Variants in FAM222B observed in about 807,000 individuals in gnomAD.
FAM222B encodes family with sequence similarity 222 member B.
Under a neutral mutation model 38.0 loss-of-function variants are expected in FAM222B, and 12 were observed. That is an observed-to-expected ratio of 0.32 (90% CI 0.20 to 0.51). The LOEUF (loss-of-function observed/expected upper bound fraction) is 0.51. Ranked by LOEUF, FAM222B falls within the 20% of genes least tolerant of loss-of-function variation. The pLI, the probability that FAM222B is intolerant of heterozygous loss-of-function variation, is 0.97. For synonymous variants in FAM222B, 329 were observed against 317.2 expected (o/e 1.04, Z -0.40); for missense variants, 716 against 754.2 (o/e 0.95, Z 0.59).
At chr17:28,805,658 A>AG (rs2037459312) in intron 1 of FAM222B, among the ~76,000 whole-genome samples, 1 of 152,174 alleles carries the variant, frequency 6.6e-6, no homozygotes, top group Non-Finnish European at 1.5e-5. Flanking sequence ...CTCAAAAAAA[A>AG]AAAGAAAGAA....
intron 1 of FAM222B, among the ~76,000 whole-genome samples, chr17:28,823,096 G>GT (rs1314170333): frequency 6.6e-6 from 1 of 150,732 alleles, no homozygotes; most frequent in Non-Finnish European, 1.5e-5. Flanking sequence ...ATACAAACAG[G>GT]TAAGTACTTA....
At chr17:28,851,014 G>A (rs569417000) in intron 1 of FAM222B, among the ~76,000 whole-genome samples, 3 of 152,076 alleles carry the variant, frequency 2.0e-5, no homozygotes, top group African/African-American at 7.2e-5. Context: ...ACCTACTCAG[G>A]AGGCTGAGGC....
upstream of FAM222B, among the ~76,000 whole-genome samples, chr17:28,844,209 TA>T (rs2039123040): frequency 6.6e-6 from 1 of 152,118 alleles, no homozygotes; most frequent in Admixed American, 6.6e-5. Context: ...GGTACAGGAC[TA>T]AACTCTCTCC....
intron 1 of FAM222B, among the ~76,000 whole-genome samples, chr17:28,792,710 G>C (rs1272759475): frequency 6.6e-6 from 1 of 151,476 alleles, no homozygotes; most frequent in Non-Finnish European, 1.5e-5. Context: ...GAACCCAGGA[G>C]GTGGAAGTTG....
In FAM222B at chr17:28,780,733, T is replaced by C. The variant is rs967541516; in HGVS notation, c.-40-14026A>G. Among the ~76,000 whole-genome samples, 6 of 151,876 alleles carry C rather than the reference T, an allele frequency of 4.0e-5. No homozygotes were observed. In the South Asian group the frequency reaches 6.2e-4, roughly 16 times the overall value. On this transcript the variant is annotated intron_variant, in intron 1 of 2. Transcript: ENST00000581407. ...CCCATCTCTACTAAATATACACAAA[T>C]TAGGTGGTCGTGGTGGCAGGCACCT...
At chr17:28,793,482 G>C (rs147039118) in intron 1 of FAM222B, among the ~76,000 whole-genome samples, 91 of 152,232 alleles carry the variant, frequency 6.0e-4, no homozygotes, top group Non-Finnish European at 9.6e-4. Flanking sequence ...ACCAACAGCA[G>C]CTGGCCAGCA....
intron 1 of FAM222B, among the ~76,000 whole-genome samples, chr17:28,829,244 C>T (rs1490864593): frequency 7.0e-6 from 1 of 142,066 alleles, no homozygotes; most frequent in Non-Finnish European, 1.5e-5. Flanking sequence ...GACGTGGTTT[C>T]ACTCTTGTTG....
intron 1 of FAM222B, among the ~76,000 whole-genome samples, chr17:28,853,965 A>T (rs1224015935): frequency 1.6e-5 from 2 of 122,662 alleles, no homozygotes. Flanking sequence ...TTTTTTTGAG[A>T]TGGAGTCTCG....
chr17:28,852,692 C>A (rs2039191110), intron 1 of FAM222B, among the ~76,000 whole-genome samples: 1 of 152,074 alleles, frequency 6.6e-6, no homozygotes, highest in African/African-American at 2.4e-5. Flanking sequence ...CCCCACAGCC[C>A]TCTCCTGCTC....
intron 1 of FAM222B, among the ~76,000 whole-genome samples, chr17:28,778,697 G>GTATATATATATATATATATATATATATA (rs1204895077): frequency 4.4e-5 from 2 of 45,340 alleles, no homozygotes; most frequent in Admixed American, 3.4e-4. Flanking sequence ...GTGTGTGTGT[G>GTATATATATATATATATATATATATATA]TATATATATA....
rs564245274 is a variant in FAM222B, at chr17:28,761,119, G to A, written c.83-1243C>T. 7.2e-5 allele frequency among the ~76,000 whole-genome samples: 11 copies of A among 152,314 alleles called. No homozygotes were observed. The East Asian group carries it at 1.9e-3, about 27-fold the overall frequency. On this transcript the variant is annotated intron_variant, in intron 2 of 2. Coordinates refer to ENST00000581407, the MANE Select transcript of FAM222B (RefSeq NM_001077498.3). Reference sequence around the variant, plus strand: ...AAACCTGCCTGCCTTTGGAGACTGCGGAAATGCCCACTCGGTGTGCCTCAT... The same window carrying A: ...AAACCTGCCTGCCTTTGGAGACTGCAGAAATGCCCACTCGGTGTGCCTCAT...
At chr17:28,790,616 C>A (rs141550780) in intron 1 of FAM222B, among the ~76,000 whole-genome samples, 44 of 152,200 alleles carry the variant, frequency 2.9e-4, no homozygotes, top group African/African-American at 1.0e-3. Context: ...TGACCTGGAT[C>A]CTTTTTGCTA....
intron 1 of FAM222B, among the ~76,000 whole-genome samples, chr17:28,768,057 A>G (rs1035435744): frequency 1.2e-4 from 18 of 152,216 alleles, no homozygotes; most frequent in African/African-American, 4.1e-4. Flanking sequence ...AGCCCAAGCA[A>G]GCAGACATTG....
At chr17:28,792,805 A>G (rs1467177633) in intron 1 of FAM222B, among the ~76,000 whole-genome samples, 1 of 151,754 alleles carries the variant, frequency 6.6e-6, no homozygotes, top group Non-Finnish European at 1.5e-5. Context: ...AAAAGAAAGA[A>G]GAAACAAACA....
At chr17:28,793,385 A>G (rs1307172376) in intron 1 of FAM222B, among the ~76,000 whole-genome samples, 3 of 152,152 alleles carry the variant, frequency 2.0e-5, no homozygotes, top group African/African-American at 7.2e-5. Flanking sequence ...CTTTCCTCAC[A>G]TCATCCAAAA....
At chr17:28,782,159 C>CA (rs1017608085) in intron 1 of FAM222B, among the ~76,000 whole-genome samples, 4 of 151,870 alleles carry the variant, frequency 2.6e-5, no homozygotes, top group African/African-American at 9.7e-5. Context: ...CCCATCTCTA[C>CA]AAAAAATAAA....
At chr17:28,770,822 A>G (rs747475249) in intron 1 of FAM222B, among the ~76,000 whole-genome samples, 10 of 151,952 alleles carry the variant, frequency 6.6e-5, no homozygotes, top group Admixed American at 2.0e-4. Flanking sequence ...TGCCCGCCTC[A>G]GCCTCCCAAA....
At chr17:28,771,862 G>A (rs1341281366) in intron 1 of FAM222B, among the ~76,000 whole-genome samples, 4 of 152,068 alleles carry the variant, frequency 2.6e-5, no homozygotes, top group Admixed American at 6.6e-5. Context: ...AGACTATCCT[G>A]GCTAACACAG....
At chr17:28,851,522 GAACA>G (rs1400878066) in intron 1 of FAM222B, among the ~76,000 whole-genome samples, 10 of 151,684 alleles carry the variant, frequency 6.6e-5, no homozygotes, top group South Asian at 2.1e-4. Flanking sequence ...AGTCTCAAAC[GAACA>G]AACAAACAAA....
Sources: gnomAD v4.1 joint callset for allele counts (sites outside exome capture counted in the v4.1 genomes callset) on GRCh38, gnomAD v4.1.1 for gene constraint, MANE v1.5 for transcripts, NCBI Gene and HGNC (gene_info 2026-07-23, HGNC 2026-07-21) for gene names.